The following SKOR1 variants were observed in gnomAD, a reference collection of about 807,000 sequenced individuals.
SKOR1 encodes SKI family transcriptional corepressor 1.
SKOR1 carries 38 observed loss-of-function variants against 72.4 expected under a neutral mutation model. The observed-to-expected ratio is 0.52, with a 90% CI of 0.40 to 0.69. SKOR1 has a LOEUF of 0.69. Among genes scored for constraint, SKOR1 ranks in the 30% least tolerant of loss-of-function variants. The pLI is 0.00. For missense variants in SKOR1, 1,320 were observed against 1,343.2 expected, an observed-to-expected ratio of 0.98 and a Z score of 0.27; for synonymous variants, 642 against 599.4, an observed-to-expected ratio of 1.07 and a Z score of -1.04.
chr15:67,833,860 G>A lies in SKOR1; in HGVS notation c.*24G>A. 1 of 1,600,132 alleles carries A rather than the reference G, an allele frequency of 6.2e-7. No individual in the cohort carries two copies. The highest frequency in any genetic ancestry group is 8.5e-7 in the Non-Finnish European group (1 of 1,175,938). On this transcript the variant is annotated 3_prime_UTR_variant, in exon 9 of 9. Coordinates refer to ENST00000380035, the MANE Select transcript of SKOR1 (RefSeq NM_001365915.1). This position sits in a 1 kb window ranked among gnomAD's most constrained non-coding sequence, Gnocchi z 6.0. ...AGGGCCGGCCTGGCCGCACCCCTGCGCCCTCAAGCCATGCTGCTCCTTGTA... is the reference window on the plus strand; with the variant it reads ...AGGGCCGGCCTGGCCGCACCCCTGCACCCTCAAGCCATGCTGCTCCTTGTA...
In SKOR1 at chr15:67,827,440, G is replaced by A. The variant is rs1360609737; in HGVS notation, c.1612G>A (p.Gly538Ser). 3.3e-6 allele frequency: 5 copies of A among 1,522,238 alleles called. No homozygotes were observed. The highest frequency in any genetic ancestry group is 4.4e-6 in the Non-Finnish European group (5 of 1,141,904). 94.3% of individuals were successfully genotyped at this position (1,522,238 alleles called of 1,614,324 possible). The change falls in exon 2 of 9, where the codon GGT (glycine) becomes AGT (serine). Residue 538 changes from glycine (G) to serine (S), a missense_variant. By Grantham distance (56) the Gly-to-Ser change is moderately conservative (BLOSUM62 0). Transcript: ENST00000380035. ...AGSGAPEPLD[G>S]AEPAKESGLG... ...CAGCGGTGCCCCAGAGCCCCTGGAC[G>A]GTGCCGAGCCAGCCAAAGAGAGTGG...
At position 67,834,060 on chromosome 15, in the gene SKOR1, C is replaced by A. The variant is rs575389323; in HGVS notation, c.*224C>A. The stretch of plus-strand genomic sequence containing the variant: ...GTTTCCAAGTGTAAATACCGCCTCG[C>A]GCCTCAAATCCCCCTACCCCGTGTG... On this transcript the variant is annotated 3_prime_UTR_variant, in exon 9 of 9. Coordinates refer to ENST00000380035, the MANE Select transcript of SKOR1 (RefSeq NM_001365915.1). This position sits in a 1 kb window ranked among gnomAD's most constrained non-coding sequence, Gnocchi z 5.8. The A allele has an allele frequency of 5.5e-4, 327 of 594,082 alleles. 2 individuals are homozygous for A. In the Middle Eastern group the frequency reaches 8.7e-3, roughly 16 times the overall value. The allele number at this position is 594,082 out of a possible 1,614,324, so 36.8% of individuals were successfully genotyped here.
intron 2 of SKOR1, among the ~76,000 whole-genome samples, chr15:67,828,514 G>C (rs900468763): frequency 6.6e-6 from 1 of 152,232 alleles, no homozygotes; most frequent in Non-Finnish European, 1.5e-5. Context: ...GCGCTCGCCC[G>C]GGTGGGCATC....
In SKOR1 at chr15:67,832,212, C is replaced by A. The variant is rs1322568311; in HGVS notation, c.2588-62C>A. Reference sequence around the variant, plus strand: ...TTCAGGGTTGTTGGCCAAGGCAGAACCTGAGCTCCAAATAACCCTGCTTTA... The same window carrying A: ...TTCAGGGTTGTTGGCCAAGGCAGAAACTGAGCTCCAAATAACCCTGCTTTA... On this transcript the variant is annotated intron_variant, in intron 5 of 8. Coordinates refer to ENST00000380035, the MANE Select transcript of SKOR1 (RefSeq NM_001365915.1). This position sits in a 1 kb window ranked among gnomAD's most constrained non-coding sequence, Gnocchi z 4.5. The A allele has an allele frequency of 2.0e-6, 3 of 1,529,092 alleles. No individual in the cohort carries two copies. Among genetic ancestry groups the A allele is most frequent in the East Asian group, 2.2e-5 (1 of 44,576 alleles). The allele number at this position is 1,529,092 out of a possible 1,614,324, so 94.7% of individuals were successfully genotyped here.
chr15:67,834,132 G>A lies in SKOR1; in HGVS notation c.*296G>A, dbSNP rs372114792. ...AAGGGGTTAACTGGACAGACGGGGG[G>A]CGGGAGGGGAGAGCGCCCCCTCCCA... On this transcript the variant is annotated 3_prime_UTR_variant, in exon 9 of 9. Transcript: ENST00000380035. The surrounding 1 kb of genome is among the most constrained non-coding windows in gnomAD (Gnocchi z 5.8). 5 of 479,806 alleles carry A rather than the reference G, an allele frequency of 1.0e-5. No individual in the cohort carries two copies. Among genetic ancestry groups the A allele is most frequent in the South Asian group, 6.4e-5 (3 of 46,962 alleles). The allele number at this position is 479,806 out of a possible 1,614,324, so 29.7% of individuals were successfully genotyped here. A position where few individuals can be genotyped will look rare whatever the true frequency, so the allele number is the denominator to read the frequency against.
Position 67,834,189 on chromosome 15 carries a change from A to G in SKOR1, c.*353A>G, listed in dbSNP as rs555609913. 2 of 348,212 alleles carry G rather than the reference A, an allele frequency of 5.7e-6. No individual in the cohort carries two copies. Among genetic ancestry groups the G allele is most frequent in the South Asian group, 2.9e-5 (1 of 34,042 alleles). The allele number at this position is 348,212 out of a possible 1,614,324, so 21.6% of individuals were successfully genotyped here. A position where few individuals can be genotyped will look rare whatever the true frequency, so the allele number is the denominator to read the frequency against. On this transcript the variant is annotated 3_prime_UTR_variant, in exon 9 of 9. Coordinates refer to ENST00000380035, the MANE Select transcript of SKOR1 (RefSeq NM_001365915.1). The surrounding 1 kb of genome is among the most constrained non-coding windows in gnomAD (Gnocchi z 5.8). ...AGCCTTGAACCCGATTGTGAATACA[A>G]TGTAGCAACTTCGCTGGCGCCTGCC...
rs2091017416 is a variant in SKOR1 at position 67,832,613 on chromosome 15, T to C, written c.2669T>C (p.Phe890Ser). 1 of 1,613,920 alleles carries C rather than the reference T, an allele frequency of 6.2e-7. No individual in the cohort carries two copies. The highest frequency in any genetic ancestry group is 8.5e-7 in the Non-Finnish European group (1 of 1,179,934). ...ACTTAATCAATTTGCACAGATAATTTTCAGGATCAAATGAAGAGGGAATTG... is the reference window on the plus strand; with the variant it reads ...ACTTAATCAATTTGCACAGATAATTCTCAGGATCAAATGAAGAGGGAATTG... ...EREFQSLKDN[F>S]QDQMKRELAY... The change falls in exon 7 of 9, where the codon TTT (phenylalanine) becomes TCT (serine). Residue 890 changes from phenylalanine to serine, a missense_variant. By Grantham distance (155) the Phe-to-Ser change is radical. Around this residue, in one of 3 missense-constraint regions of SKOR1, gnomAD observed 1,099 missense variants for 1,025.5 expected, o/e 1.07. Transcript: ENST00000380035. This position sits in a 1 kb window ranked among gnomAD's most constrained non-coding sequence, Gnocchi z 4.5.
chr15:67,825,926 T>A lies in SKOR1; in HGVS notation c.108-10T>A, dbSNP rs775420997. 3 of 1,512,884 alleles carry A rather than the reference T, an allele frequency of 2.0e-6. No individual in the cohort carries two copies. The highest frequency in any genetic ancestry group is 2.6e-6 in the Non-Finnish European group (3 of 1,134,508). The allele number at this position is 1,512,884 out of a possible 1,614,324, so 93.7% of individuals were successfully genotyped here. On this transcript the variant is annotated splice_polypyrimidine_tract_variant and intron_variant, in intron 1 of 8. Transcript: ENST00000380035. The surrounding 1 kb of genome is among the most constrained non-coding windows in gnomAD (Gnocchi z 5.6). ...TGGCTCATCTGCTCTCTGCTTTCTC[T>A]ATTTCGCAGGAGCGGCGGCATGGAG...
At position 67,833,828 on chromosome 15, in the gene SKOR1, T is replaced by C; in HGVS notation, c.2890T>C (p.Leu964=). Residue 964 remains leucine, a synonymous_variant, in exon 9 of 9, where the codon TTG becomes CTG. Coordinates refer to ENST00000380035, the MANE Select transcript of SKOR1 (RefSeq NM_001365915.1). The surrounding 1 kb of genome is among the most constrained non-coding windows in gnomAD (Gnocchi z 6.0). ...TGNCSFKPPL[L]P ...CAACTGCTCCTTCAAGCCACCGCTGTTGCCCTAGGGCCGGCCTGGCCGCAC... is the reference window on the plus strand; with the variant it reads ...CAACTGCTCCTTCAAGCCACCGCTGCTGCCCTAGGGCCGGCCTGGCCGCAC... The C allele has an allele frequency of 1.2e-6, 2 of 1,610,418 alleles. No homozygotes were observed. Among genetic ancestry groups the C allele is most frequent in the Non-Finnish European group, 1.7e-6 (2 of 1,179,998 alleles).
chr15:67,830,118 ACCGCGGCAGCTCCGGCAGTAT>A, intron 3 of SKOR1, 52 bp from the exon 4 acceptor site: 2 of 1,506,014 alleles, frequency 1.3e-6, no homozygotes, highest in Non-Finnish European at 1.8e-6. Context: ...GGGCGCCCCG[ACCGCGGCAGCTCCGGCAGTAT>A]CCGGGTCACG....
In SKOR1 at chr15:67,827,556, C is replaced by T. The variant is rs973745787; in HGVS notation, c.1728C>T (p.Ala576=). The T allele has an allele frequency of 1.1e-5, 17 of 1,519,744 alleles. No homozygotes were observed. Among genetic ancestry groups the T allele is most frequent in the Non-Finnish European group, 2.6e-6 (3 of 1,140,982 alleles). 94.1% of individuals were successfully genotyped at this position (1,519,744 alleles called of 1,614,324 possible). The change falls in exon 2 of 9, where the codon GCC becomes GCT. Residue 576 remains alanine, a synonymous_variant. Transcript: ENST00000380035. ...ACGAGGCGCTGCCACCGCCCCTGGCCCCGTTGCCCCCGCCGCCCCCGCCGC... is the reference window on the plus strand; with the variant it reads ...ACGAGGCGCTGCCACCGCCCCTGGCTCCGTTGCCCCCGCCGCCCCCGCCGC... ...GTDEALPPPL[A]PLPPPPPPPA...
rs748172815 is a variant in SKOR1 at position 67,827,023 on chromosome 15, T to C, written c.1195T>C (p.Phe399Leu). ...PPPLFPHPYG[F>L]PTAFGLCPKK... Reference sequence around the variant, plus strand: ...ACCACTTTTCCCCCATCCTTACGGCTTCCCTACGGCCTTCGGCCTATGCCC... The same window carrying C: ...ACCACTTTTCCCCCATCCTTACGGCCTCCCTACGGCCTTCGGCCTATGCCC... The change falls in exon 2 of 9, where the codon TTC becomes CTC. Residue 399 changes from phenylalanine to leucine, a missense_variant. Coordinates refer to ENST00000380035, the MANE Select transcript of SKOR1 (RefSeq NM_001365915.1). 1 of 1,592,074 alleles carries C rather than the reference T, an allele frequency of 6.3e-7. No homozygotes were observed. The highest frequency in any genetic ancestry group is 8.5e-7 in the Non-Finnish European group (1 of 1,177,008).
At position 67,827,167 on chromosome 15, in the gene SKOR1, C is replaced by T. The variant is rs763612123; in HGVS notation, c.1339C>T (p.Pro447Ser). Residue 447 changes from proline (P) to serine (S), a missense_variant, in exon 2 of 9, where the codon CCC becomes TCC. This residue lies in a region of SKOR1 where 1,099 missense variants were observed against 1,025.5 expected (regional missense o/e 1.07). Transcript: ENST00000380035. ...GGGGGGCCCGGGAGCCAGCCACTTG[C>T]CCCCGGGGGCAGGGGCGGGCCCGGG... ...GAGGPGASHL[P>S]PGAGAGPGGG... 7.4e-6 allele frequency: 10 copies of T among 1,350,224 alleles called. No homozygotes were observed. Among genetic ancestry groups the T allele is most frequent in the South Asian group, 4.0e-5 (2 of 50,094 alleles). 83.6% of individuals were successfully genotyped at this position (1,350,224 alleles called of 1,614,324 possible). A position where few individuals can be genotyped will look rare whatever the true frequency, so the allele number is the denominator to read the frequency against.
rs748987912 is a variant in SKOR1 at position 67,829,220 on chromosome 15, G to T, written c.2358G>T (p.Ala786=). ...PERDEHVKSA[A]VALGPAASYV... ...GGGATGAGCACGTGAAGAGCGCGGC[G>T]GTGGCGCTGGGGCCCGCGGCCTCCT... is the stretch of plus-strand genomic sequence containing the variant. Residue 786 remains alanine, a synonymous_variant, in exon 3 of 9, where the codon GCG becomes GCT. Coordinates refer to ENST00000380035, the MANE Select transcript of SKOR1 (RefSeq NM_001365915.1). The T allele has an allele frequency of 3.2e-6, 5 of 1,575,600 alleles. No homozygotes were observed. Among genetic ancestry groups the T allele is most frequent in the Admixed American group, 1.7e-5 (1 of 57,180 alleles).
In SKOR1 at chr15:67,833,338, A is replaced by G. The variant is rs2091023510; in HGVS notation, c.2803+81A>G. ...GACTGAATGAATGAATAGTGGGACT[A>G]GTGAGGAAGGCCACGATCCACGTGG... On this transcript the variant is annotated intron_variant, in intron 8 of 8. Transcript: ENST00000380035. This position sits in a 1 kb window ranked among gnomAD's most constrained non-coding sequence, Gnocchi z 6.0. 1 of 1,421,524 alleles carries G rather than the reference A, an allele frequency of 7.0e-7. No individual in the cohort carries two copies. The allele number at this position is 1,421,524 out of a possible 1,614,324, so 88.1% of individuals were successfully genotyped here.
chr15:67,830,778 T>C (rs774617920), intron 4 of SKOR1, 40 bp from the exon 5 acceptor site: 1 of 1,607,744 alleles, frequency 6.2e-7, no homozygotes, highest in Non-Finnish European at 8.5e-7. Flanking sequence ...TCAAGGGCTT[T>C]CCTAGGACAG....
Position 67,827,133 on chromosome 15 carries a change from C to T in SKOR1, c.1305C>T (p.Gly435=), listed in dbSNP as rs1170890903. 22 of 1,375,584 alleles carry T rather than the reference C, an allele frequency of 1.6e-5. No homozygotes were observed. Among genetic ancestry groups the T allele is most frequent in the African/African-American group, 4.6e-5 (3 of 64,956 alleles). 85.2% of individuals were successfully genotyped at this position (1,375,584 alleles called of 1,614,324 possible). Residue 435 remains glycine (G), a synonymous_variant, in exon 2 of 9, where the codon GGC becomes GGT. Transcript: ENST00000380035. ...GCGGCGGCGGCGGCGCGGGGACAGG[C>T]GGGGGTGCGGGGGGCCCGGGAGCCA... ...TGSGGGGAGT[G]GGAGGPGASH... is the part of the protein sequence containing the mutation.
chr15:67,826,271 C>A lies in SKOR1; in HGVS notation c.443C>A (p.Ser148Ter). 1 of 1,613,168 alleles carries A rather than the reference C, an allele frequency of 6.2e-7. No individual in the cohort carries two copies. Among genetic ancestry groups the A allele is most frequent in the Non-Finnish European group, 8.5e-7 (1 of 1,180,030 alleles). ...LRRAGAMPIS[S>*]RRCGMITKRE... is the part of the protein sequence containing the mutation. ...CGGGCCGGGGCCATGCCCATCTCGT[C>A]GCGCCGCTGCGGCATGATCACTAAG... The change falls in exon 2 of 9, where the codon TCG (serine) becomes TAG (stop). Residue 148 changes from serine to a stop codon, truncating the protein, a stop_gained. Coordinates refer to ENST00000380035, the MANE Select transcript of SKOR1 (RefSeq NM_001365915.1). LOFTEE classifies it high-confidence loss of function.
rs1284021230 is a variant in SKOR1 at position 67,827,200 on chromosome 15, G to T, written c.1372G>T (p.Ala458Ser). The change falls in exon 2 of 9, where the codon GCC becomes TCC. Residue 458 changes from alanine (A) to serine (S), a missense_variant. Physicochemically the swap from Ala to Ser is moderately conservative, Grantham distance 99. Coordinates refer to ENST00000380035, the MANE Select transcript of SKOR1 (RefSeq NM_001365915.1). ...PGAGAGPGGG[A>S]MFWGHQPSGA... ...GGCAGGGGCGGGCCCGGGCGGCGGC[G>T]CCATGTTCTGGGGGCATCAACCCTC... The T allele has an allele frequency of 6.9e-7, 1 of 1,451,736 alleles. No individual in the cohort carries two copies. The highest frequency in any genetic ancestry group is 9.0e-7 in the Non-Finnish European group (1 of 1,108,436). The allele number at this position is 1,451,736 out of a possible 1,614,324, so 89.9% of individuals were successfully genotyped here. A position where few individuals can be genotyped will look rare whatever the true frequency, so the allele number is the denominator to read the frequency against.
Sources: allele counts gnomAD v4.1 joint callset (sites outside exome capture counted in the v4.1 genomes callset), GRCh38; gene constraint gnomAD v4.1.1; regional missense constraint gnomAD v4.1.1; non-coding constraint Gnocchi (gnomAD v3.1); transcripts MANE v1.5; gene names NCBI Gene and HGNC (gene_info 2026-07-23, HGNC 2026-07-21).